GALNT1: variants seen among roughly 807,000 people sequenced by gnomAD.
GALNT1 encodes polypeptide N-acetylgalactosaminyltransferase 1, also known as GalNAc transferase 1.
A neutral mutation model predicts 65.7 loss-of-function variants in GALNT1; 17 were observed. That is an observed-to-expected ratio of 0.26 (90% CI 0.18 to 0.39). The LOEUF (loss-of-function observed/expected upper bound fraction) is 0.39, where lower values mean the gene tolerates loss of function less well. Among genes scored for constraint, GALNT1 ranks in the 10% least tolerant of loss-of-function variants. GALNT1 has a pLI of 1.00. For synonymous variants in GALNT1, 210 were observed against 219.7 expected (o/e 0.96, Z 0.39); for missense variants, 460 against 672.8 (o/e 0.68, Z 3.50).
chr18:35,581,443 G>A (rs1334100668), upstream of GALNT1: 1 of 146,400 alleles, frequency 6.8e-6, no homozygotes, highest in South Asian at 1.9e-4. Context: ...GGTGAGCGCC[G>A]GCGCCCCCGC....
intron 1 of GALNT1, among the ~76,000 whole-genome samples, chr18:35,640,828 A>G (rs2047151203): frequency 6.6e-6 from 1 of 152,242 alleles, no homozygotes; most frequent in African/African-American, 2.4e-5. Flanking sequence ...CTTTCCATAA[A>G]TAGTTCTTGG....
rs112570835 is a variant in GALNT1, at chr18:35,652,256, G to A, written c.-103-2304G>A. 6.4e-3 allele frequency among the ~76,000 whole-genome samples: 974 copies of A among 152,162 alleles called. 19 individuals carry two copies. The highest frequency in any genetic ancestry group is 0.022 in the African/African-American group (921 of 41,514). ...GAAACCCCAAATTACCAGTGGCCTCGTCCTAAGAGCCAAACCCTGTGGACA... is the reference window on the plus strand; with the variant it reads ...GAAACCCCAAATTACCAGTGGCCTCATCCTAAGAGCCAAACCCTGTGGACA... On this transcript the variant is annotated intron_variant, in intron 1 of 11. Coordinates refer to ENST00000269195, the MANE Select transcript of GALNT1 (RefSeq NM_020474.4).
At position 35,625,984 on chromosome 18, in the gene GALNT1, A is replaced by G. The variant is rs16966922; in HGVS notation, c.-103-28576A>G. On this transcript the variant is annotated intron_variant, in intron 1 of 11. Transcript: ENST00000269195. ...CACACCCCTTTACTCCTGTCTCCCA[A>G]TTAATTCTTCTGTTTGCTGTTCCCC... is the stretch of plus-strand genomic sequence containing the variant. Among the ~76,000 whole-genome samples the G allele has an allele frequency of 6.1e-3, 923 of 152,100 alleles. 10 individuals are homozygous for G. The highest frequency in any genetic ancestry group is 0.02 in the African/African-American group (849 of 41,464).
At chr18:35,677,547 A>T in intron 3 of GALNT1, 44 bp from the exon 4 acceptor site, 5 of 1,538,220 alleles carry the variant, frequency 3.3e-6, no homozygotes, top group Non-Finnish European at 4.4e-6. Flanking sequence ...TTATTATGCA[A>T]TCTTAACAGT....
intron 1 of GALNT1, among the ~76,000 whole-genome samples, chr18:35,636,006 G>GT (rs1372341155): frequency 2.6e-5 from 4 of 151,708 alleles, no homozygotes; most frequent in Non-Finnish European, 5.9e-5. Flanking sequence ...ATCAGCCATA[G>GT]TTTTTTTTAA....
At chr18:35,703,199 T>C (rs2048195252) in intron 10 of GALNT1, among the ~76,000 whole-genome samples, 1 of 152,068 alleles carries the variant, frequency 6.6e-6, no homozygotes, top group South Asian at 2.1e-4. Flanking sequence ...GAGAACTATG[T>C]TTACATTGCT....
intron 2 of GALNT1, 70 bp from the exon 3 acceptor site, chr18:35,663,558 T>TA: frequency 6.8e-7 from 1 of 1,473,260 alleles, no homozygotes; most frequent in Non-Finnish European, 9.2e-7. Flanking sequence ...ACACAAATGT[T>TA]ATTAAATAGA....
intron 10 of GALNT1, 79 bp downstream of exon 10, chr18:35,703,074 A>G: frequency 1.3e-6 from 1 of 750,222 alleles, no homozygotes; most frequent in Non-Finnish European, 2.1e-6. Flanking sequence ...CCATGACATC[A>G]TTCAGGAAAT....
intron 1 of GALNT1, among the ~76,000 whole-genome samples, chr18:35,636,534 G>A (rs2047090937): frequency 6.6e-6 from 1 of 152,190 alleles, no homozygotes; most frequent in South Asian, 2.1e-4. Flanking sequence ...TTCTTTGCCT[G>A]TCAGGTTTCC....
intron 3 of GALNT1, among the ~76,000 whole-genome samples, chr18:35,676,942 C>G (rs1035451804): frequency 2.6e-5 from 4 of 152,170 alleles, no homozygotes; most frequent in African/African-American, 7.2e-5. Flanking sequence ...TTATTGCATG[C>G]TCAGGCATAA....
chr18:35,650,369 C>T lies in GALNT1; in HGVS notation c.-103-4191C>T, dbSNP rs577916831. 9.2e-5 allele frequency among the ~76,000 whole-genome samples: 14 copies of T among 152,184 alleles called. No individual in the cohort carries two copies. The East Asian group carries it at 1.5e-3, about 17-fold the overall frequency. On this transcript the variant is annotated intron_variant, in intron 1 of 11. Transcript: ENST00000269195. ...TATCACAAGGCAAATGGAGGCAGGG[C>T]GAGATCACAGGATCGTGGCGAAATT...
intron 1 of GALNT1, among the ~76,000 whole-genome samples, chr18:35,583,137 T>C (rs1377856825): frequency 6.6e-6 from 1 of 152,196 alleles, no homozygotes; most frequent in African/African-American, 2.4e-5. Flanking sequence ...GGAATTGACA[T>C]TTTACATGAT....
At chr18:35,607,149 C>CA (rs1420915651) in intron 1 of GALNT1, among the ~76,000 whole-genome samples, 2 of 152,060 alleles carry the variant, frequency 1.3e-5, no homozygotes, top group Non-Finnish European at 2.9e-5. Context: ...CAGTCTAAGA[C>CA]AGAGGCCCTG....
At chr18:35,629,404 G>A (rs1430404035) in intron 1 of GALNT1, among the ~76,000 whole-genome samples, 2 of 152,150 alleles carry the variant, frequency 1.3e-5, no homozygotes, top group Admixed American at 6.5e-5. Context: ...GAGAGTGGGG[G>A]CCAATATTCA....
chr18:35,647,397 A>T (rs1198895450), intron 1 of GALNT1, among the ~76,000 whole-genome samples: 1 of 152,196 alleles, frequency 6.6e-6, no homozygotes, highest in Admixed American at 6.5e-5. Context: ...CATTTGACAC[A>T]TTCCCTACAT....
chr18:35,682,932 ATAGTC>A (rs2047808272), intron 4 of GALNT1, among the ~76,000 whole-genome samples: 1 of 138,222 alleles, frequency 7.2e-6, no homozygotes, highest in African/African-American at 2.7e-5. Context: ...AAAAAAAAGT[ATAGTC>A]AAAGACCATG....
rs745948597 is a variant in GALNT1 at position 35,683,617 on chromosome 18, T to C, written c.689+19T>C. ...ATGACAGGTAATTTTCTGGTGTCTG[T>C]AAGTTTGCTTTTAGTACATTTGTCC... is the stretch of plus-strand genomic sequence containing the variant. On this transcript the variant is annotated intron_variant, in intron 5 of 11. Transcript: ENST00000269195. The C allele has an allele frequency of 7.7e-5, 124 of 1,607,388 alleles. No individual in the cohort carries two copies. Among genetic ancestry groups the C allele is most frequent in the Non-Finnish European group, 1.0e-4 (118 of 1,175,744 alleles).
intron 3 of GALNT1, among the ~76,000 whole-genome samples, chr18:35,667,086 A>G (rs2047560599): frequency 6.6e-6 from 1 of 152,108 alleles, no homozygotes; most frequent in South Asian, 2.1e-4. Flanking sequence ...GAATTCTTAT[A>G]CCCTCTGAGA....
Position 35,703,062 on chromosome 18 carries a change from T to C in GALNT1, c.1398+67T>C. The C allele has an allele frequency of 3.7e-6, 3 of 820,098 alleles. No homozygotes were observed. The South Asian group carries it at 6.1e-5, about 17-fold the overall frequency. The allele number at this position is 820,098 out of a possible 1,614,324, so 50.8% of individuals were successfully genotyped here. A position where few individuals can be genotyped will look rare whatever the true frequency, so the allele number is the denominator to read the frequency against. ...TTGTTTTTACTTTGCCTTTTTTTTATACCATGACATCATTCAGGAAATATT... is the reference window on the plus strand; with the variant it reads ...TTGTTTTTACTTTGCCTTTTTTTTACACCATGACATCATTCAGGAAATATT... On this transcript the variant is annotated intron_variant, in intron 10 of 11. Coordinates refer to ENST00000269195, the MANE Select transcript of GALNT1 (RefSeq NM_020474.4).
Sources: allele counts gnomAD v4.1 joint callset (sites outside exome capture counted in the v4.1 genomes callset), GRCh38; gene constraint gnomAD v4.1.1; transcripts MANE v1.5; gene names NCBI Gene and HGNC (gene_info 2026-07-23, HGNC 2026-07-21).